The following NDRG4 variants were observed in gnomAD, a reference collection of about 807,000 sequenced individuals.
The protein encoded by NDRG4 is protein NDRG4.
Under a neutral mutation model 55.8 loss-of-function variants are expected in NDRG4, and 38 were observed. The observed-to-expected ratio is 0.68, with a 90% confidence interval of 0.53 to 0.89. The LOEUF (loss-of-function observed/expected upper bound fraction) is 0.89, where lower values mean the gene tolerates loss of function less well. Among genes scored for constraint, NDRG4 ranks in the 40% least tolerant of loss-of-function variants. The pLI is 0.00. For missense variants in NDRG4, 455 were observed against 468.6 expected (o/e 0.97, Z 0.27); for synonymous variants, 190 against 182.7 (o/e 1.04, Z -0.32).
At chr16:58,500,107 A>T (rs563885561), upstream of NDRG4, 1,106 of 1,525,368 alleles carry the variant, frequency 7.3e-4, 19 homozygotes, top group South Asian at 8.9e-3. Context: ...CTGGGCCAGG[A>T]TCCCTGTATA....
chr16:58,484,891 T>C (rs2034900849), intron 1 of NDRG4, among the ~76,000 whole-genome samples: 1 of 151,132 alleles, frequency 6.6e-6, no homozygotes. Context: ...TACTTTTTTT[T>C]TTTTTTTTTT....
downstream of NDRG4, among the ~76,000 whole-genome samples, chr16:58,514,745 CAAAAAA>C (rs67168725): frequency 1.1e-4 from 9 of 82,128 alleles, no homozygotes; most frequent in Non-Finnish European, 9.3e-5. Flanking sequence ...CCCAACGCGC[CAAAAAA>C]AAAAAAAAAA....
Position 58,511,946 on chromosome 16 carries a change from C to T in NDRG4, c.*370C>T, listed in dbSNP as rs1029162441. On this transcript the variant is annotated 3_prime_UTR_variant, in exon 15 of 15. Coordinates refer to ENST00000570248, the MANE Select transcript of NDRG4 (RefSeq NM_001242835.2). ...GAGAGAGGCTTCGAGAGGGTGGGTG[C>T]TGGGCCACAGGGGTGCGGGGCCAGC... The T allele has an allele frequency of 4.4e-6, 2 of 457,700 alleles. No homozygotes were observed. Among genetic ancestry groups the T allele is most frequent in the South Asian group, 3.2e-5 (2 of 61,974 alleles). The allele number at this position is 457,700 out of a possible 1,614,324, so 28.4% of individuals were successfully genotyped here.
rs1470474800 is a variant in NDRG4, at chr16:58,513,166, A to ATGTGTGTGTGTG, written c.*1591_*1592insGTGTGTGTGTGT. 2 of 47,282 alleles carry ATGTGTGTGTGTG rather than the reference A, an allele frequency of 4.2e-5. No homozygotes were observed. The highest frequency in any genetic ancestry group is 2.1e-4 in the African/African-American group (2 of 9,506). The allele number at this position is 47,282 out of a possible 1,614,324, so 2.9% of individuals were successfully genotyped here. On this transcript the variant is annotated 3_prime_UTR_variant, in exon 15 of 15. Transcript: ENST00000570248. ...ATGTATCTATAAATATCTATACATT[A>ATGTGTGTGTGTG]TATGTGTGTGTGTGTGTGTGTGTGT... is the stretch of plus-strand genomic sequence containing the variant.
At chr16:58,493,931 GC>G (rs1470091418) in intron 2 of NDRG4, among the ~76,000 whole-genome samples, 4 of 152,134 alleles carry the variant, frequency 2.6e-5, no homozygotes, top group African/African-American at 7.2e-5. Flanking sequence ...CCAGAGCCAG[GC>G]CCCCGCAGAG....
chr16:58,473,518 C>T (rs2033161672), intron 1 of NDRG4, among the ~76,000 whole-genome samples: 1 of 152,128 alleles, frequency 6.6e-6, no homozygotes, highest in Non-Finnish European at 1.5e-5. Flanking sequence ...TGGCTCAGGT[C>T]TAAAACCACA....
rs1466493963 is a variant in NDRG4, at chr16:58,512,171, C to T, written c.*595C>T. Reference sequence around the variant, plus strand: ...CGCAGGCAGGGGCGTCAAGGGGTTTCTCTGCCCAAGGAAGACAGAACATGG... The same window carrying T: ...CGCAGGCAGGGGCGTCAAGGGGTTTTTCTGCCCAAGGAAGACAGAACATGG... On this transcript the variant is annotated 3_prime_UTR_variant, in exon 15 of 15. Coordinates refer to ENST00000570248, the MANE Select transcript of NDRG4 (RefSeq NM_001242835.2). 8.9e-6 allele frequency: 4 copies of T among 451,622 alleles called. No individual in the cohort carries two copies. Among genetic ancestry groups the T allele is most frequent in the African/African-American group, 2.0e-5 (1 of 50,156 alleles). The allele number at this position is 451,622 out of a possible 1,614,324, so 28.0% of individuals were successfully genotyped here.
At chr16:58,485,525 G>A (rs1383823059) in intron 1 of NDRG4, among the ~76,000 whole-genome samples, 2 of 152,138 alleles carry the variant, frequency 1.3e-5, no homozygotes, top group Non-Finnish European at 2.9e-5. Context: ...TGGGTGTTCA[G>A]GAAGGCAGGT....
chr16:58,494,832 T>TGA (rs560993867), intron 2 of NDRG4: 5 of 544,408 alleles, frequency 9.2e-6, no homozygotes, highest in East Asian at 3.1e-5. Flanking sequence ...ACCCTGTCTC[T>TGA]AAAAAAAAAA....
chr16:58,464,100 G>C lies in NDRG4; in HGVS notation c.-24+303G>C. ...CGGAGGCGGCGGGGTCTCTTTGTTCGGGCGGCGGGCACGGGGGACCACCTC... is the reference window on the plus strand; with the variant it reads ...CGGAGGCGGCGGGGTCTCTTTGTTCCGGCGGCGGGCACGGGGGACCACCTC... On this transcript the variant is annotated intron_variant, in intron 1 of 15. Transcript: ENST00000258187. This position sits in a 1 kb window ranked among gnomAD's most constrained non-coding sequence, Gnocchi z 4.8. 1 of 282,618 alleles carries C rather than the reference G, an allele frequency of 3.5e-6. No homozygotes were observed. Among genetic ancestry groups the C allele is most frequent in the Non-Finnish European group, 6.5e-6 (1 of 152,848 alleles). 17.5% of individuals were successfully genotyped at this position (282,618 alleles called of 1,614,324 possible).
At chr16:58,508,281 G>A (rs1476758510) in intron 10 of NDRG4, among the ~76,000 whole-genome samples, 1 of 152,214 alleles carries the variant, frequency 6.6e-6, no homozygotes, top group African/African-American at 2.4e-5. Context: ...GCCCCAACTT[G>A]GTCCCTACCC....
Position 58,511,620 on chromosome 16 carries a change from C to A in NDRG4, c.*44C>A, listed in dbSNP as rs1567362497. The A allele has an allele frequency of 3.7e-6, 6 of 1,611,442 alleles. No individual in the cohort carries two copies. The highest frequency in any genetic ancestry group is 5.1e-6 in the Non-Finnish European group (6 of 1,178,698). On this transcript the variant is annotated 3_prime_UTR_variant, in exon 15 of 15. Transcript: ENST00000570248. ...CGACGCCCACGTCGAGGCCCCACCG[C>A]CATCCTTGCGCCGGCTCATGTTCCC...
chr16:58,510,735 C>T (rs188422265), intron 14 of NDRG4, 52 bp downstream of exon 14: 279 of 1,487,818 alleles, frequency 1.9e-4, no homozygotes, highest in Middle Eastern at 1.0e-3. Flanking sequence ...TCCTCCTCCC[C>T]CGCTCCTTCC....
intron 2 of NDRG4, among the ~76,000 whole-genome samples, chr16:58,491,132 C>T (rs565827383): frequency 1.3e-5 from 2 of 150,834 alleles, no homozygotes; most frequent in Admixed American, 1.3e-4. Context: ...CAAAATTAGC[C>T]AGATGTGGTG....
At chr16:58,511,141 T>G in intron 14 of NDRG4, 1 of 507,608 alleles carries the variant, frequency 2.0e-6, no homozygotes, top group Non-Finnish European at 3.5e-6. Context: ...ACTTCTCCAC[T>G]GGCATCCTCT....
At chr16:58,487,593 G>C (rs2035246491) in intron 1 of NDRG4, among the ~76,000 whole-genome samples, 1 of 152,202 alleles carries the variant, frequency 6.6e-6, no homozygotes, top group South Asian at 2.1e-4. Context: ...GGGTCTTGCA[G>C]ACGGAGGCCT....
At chr16:58,507,736 TTGG>T (rs1450776143) in intron 8 of NDRG4, 69 bp from the exon 9 acceptor site, 1 of 1,455,480 alleles carries the variant, frequency 6.9e-7, no homozygotes, top group East Asian at 2.3e-5. Context: ...ATTGGCAGTG[TTGG>T]GCTTGGGATG....
chr16:58,474,004 T>C (rs72790231), intron 1 of NDRG4, among the ~76,000 whole-genome samples: 45,282 of 148,622 alleles, frequency 0.3, 7,068 homozygotes, highest in Non-Finnish European at 0.33. Flanking sequence ...GCCACCCTGG[T>C]TTTTTCACTT....
chr16:58,464,689 C>G lies in NDRG4; in HGVS notation c.-24+892C>G. On this transcript the variant is annotated intron_variant, in intron 1 of 15. Transcript: ENST00000258187. The surrounding 1 kb of genome is among the most constrained non-coding windows in gnomAD (Gnocchi z 4.8). Reference sequence around the variant, plus strand: ...CGCTGGCGTCCGGGCTGCGGGAGCACCGGTCAGGGGGTGGCCCCATGGGGT... The same window carrying G: ...CGCTGGCGTCCGGGCTGCGGGAGCAGCGGTCAGGGGGTGGCCCCATGGGGT... 1 of 1,156,390 alleles carries G rather than the reference C, an allele frequency of 8.6e-7. No homozygotes were observed. The highest frequency in any genetic ancestry group is 1.1e-6 in the Non-Finnish European group (1 of 906,360). 71.6% of individuals were successfully genotyped at this position (1,156,390 alleles called of 1,614,324 possible).
Sources: allele counts gnomAD v4.1 joint callset (sites outside exome capture counted in the v4.1 genomes callset), GRCh38; gene constraint gnomAD v4.1.1; non-coding constraint Gnocchi (gnomAD v3.1); transcripts MANE v1.5; gene names NCBI Gene and HGNC (gene_info 2026-07-23, HGNC 2026-07-21).